NUP93: variants seen among roughly 807,000 people sequenced by gnomAD.
NUP93 encodes nuclear pore complex protein Nup93.
A neutral mutation model predicts 107.8 loss-of-function variants in NUP93; 55 were observed. The observed-to-expected ratio is 0.51, with a 90% CI of 0.41 to 0.64. The LOEUF (loss-of-function observed/expected upper bound fraction) is 0.64. Ranked by LOEUF, NUP93 falls within the 30% of genes least tolerant of loss-of-function variation. The probability of loss-of-function intolerance (pLI) is 0.00; values close to 1 mark genes in which losing one functional copy is unlikely to be tolerated. For missense variants in NUP93, 937 were observed against 1,044.7 expected (o/e 0.90, Z 1.42); for synonymous variants, 390 against 397.5 (o/e 0.98, Z 0.22).
chr16:56,749,505 G>A (rs1462485150), intron 2 of NUP93, among the ~76,000 whole-genome samples: 3 of 152,292 alleles, frequency 2.0e-5, no homozygotes, highest in South Asian at 2.1e-4. Context: ...TGATGGGTCC[G>A]GAAAGACACT....
At chr16:56,764,201 G>C (rs1962178396) in intron 3 of NUP93, among the ~76,000 whole-genome samples, 1 of 152,144 alleles carries the variant, frequency 6.6e-6, no homozygotes, top group South Asian at 2.1e-4. Context: ...GTTTAAAAAT[G>C]AATCAATGGC....
intron 16 of NUP93, 78 bp from the exon 17 acceptor site, chr16:56,836,523 A>G (rs1312739186): frequency 2.4e-6 from 2 of 845,408 alleles, no homozygotes; most frequent in African/African-American, 3.4e-5. Flanking sequence ...TTGGATCCTA[A>G]TTGCTTCTCT....
At chr16:56,746,217 G>A (rs1961818502) in intron 1 of NUP93, among the ~76,000 whole-genome samples, 1 of 152,206 alleles carries the variant, frequency 6.6e-6, no homozygotes, top group Admixed American at 6.5e-5. Flanking sequence ...TCCCTTTCTG[G>A]TGAATGACCA....
chr16:56,768,735 C>T (rs986113846), intron 3 of NUP93, among the ~76,000 whole-genome samples: 16 of 151,252 alleles, frequency 1.1e-4, no homozygotes, highest in Admixed American at 6.6e-4. Flanking sequence ...GGTGTGGTGG[C>T]GGGCGCCTGT....
rs143770635 is a variant in NUP93 at position 56,754,675 on chromosome 16, G to A, written c.180-3863G>A. Among the ~76,000 whole-genome samples, 1,481 of 152,280 alleles carry A rather than the reference G, an allele frequency of 9.7e-3. 27 individuals carry two copies. The highest frequency in any genetic ancestry group is 0.034 in the African/African-American group (1,404 of 41,564). On this transcript the variant is annotated intron_variant, in intron 2 of 21. Transcript: ENST00000308159. ...CCTGTGGCTTTTCTAGGCACATGGTGCAAACCATCAGTGGGTCTACCATTC... is the reference window on the plus strand; with the variant it reads ...CCTGTGGCTTTTCTAGGCACATGGTACAAACCATCAGTGGGTCTACCATTC...
intron 1 of NUP93, among the ~76,000 whole-genome samples, chr16:56,740,471 G>A (rs1354617051): frequency 0.039 from 5,770 of 148,528 alleles, 19 homozygotes; most frequent in African/African-American, 0.07. Flanking sequence ...ATGTGATGGC[G>A]GCTGGGAAGA....
chr16:56,743,515 C>T (rs1961771475), intron 1 of NUP93, among the ~76,000 whole-genome samples: 1 of 152,102 alleles, frequency 6.6e-6, no homozygotes, highest in Admixed American at 6.6e-5. Context: ...TGAGAACATT[C>T]CTTATTTTTA....
intron 3 of NUP93, among the ~76,000 whole-genome samples, chr16:56,779,671 A>T (rs1323855265): frequency 2.0e-5 from 3 of 152,178 alleles, no homozygotes; most frequent in Non-Finnish European, 4.4e-5. Flanking sequence ...CCAGCCACTC[A>T]TCTAGTTTCC....
At chr16:56,740,355 G>C (rs1390862233) in intron 1 of NUP93, among the ~76,000 whole-genome samples, 2 of 148,538 alleles carry the variant, frequency 1.3e-5, no homozygotes, top group Non-Finnish European at 3.0e-5. Flanking sequence ...ACGGGGTCTC[G>C]GCCGGGCAGA....
chr16:56,781,178 C>T (rs566424851), intron 3 of NUP93, among the ~76,000 whole-genome samples: 41 of 152,256 alleles, frequency 2.7e-4, no homozygotes, highest in African/African-American at 9.6e-4. Flanking sequence ...AAAGAAGTGA[C>T]AGTTGAGCTG....
chr16:56,825,406 T>C (rs1163403292), intron 8 of NUP93, among the ~76,000 whole-genome samples: 1 of 152,100 alleles, frequency 6.6e-6, no homozygotes, highest in Non-Finnish European at 1.5e-5. Context: ...AGTTTCACCA[T>C]GTTGGCCAGG....
At chr16:56,832,122 G>T in intron 11 of NUP93, 115 bp downstream of exon 11, 1 of 1,351,428 alleles carries the variant, frequency 7.4e-7, no homozygotes, top group Non-Finnish European at 1.0e-6. Flanking sequence ...GGACCAGTGG[G>T]TTCCTCGTCT....
At chr16:56,821,183 A>T (rs992491875) in intron 6 of NUP93, among the ~76,000 whole-genome samples, 1 of 152,208 alleles carries the variant, frequency 6.6e-6, no homozygotes, top group Non-Finnish European at 1.5e-5. Context: ...ATTAGGAAGC[A>T]GCAGCCAGAG....
intron 3 of NUP93, among the ~76,000 whole-genome samples, chr16:56,795,403 G>C (rs531337121): frequency 6.6e-6 from 1 of 152,244 alleles, no homozygotes; most frequent in East Asian, 1.9e-4. Flanking sequence ...CCATTGTTTT[G>C]TGTCTGGGTC....
At chr16:56,796,453 A>G (rs766057383) in intron 3 of NUP93, among the ~76,000 whole-genome samples, 37 of 152,244 alleles carry the variant, frequency 2.4e-4, no homozygotes, top group Non-Finnish European at 4.1e-4. Context: ...TGTTCACACA[A>G]TGATGAAATC....
At chr16:56,791,221 T>C (rs1418605578) in intron 3 of NUP93, among the ~76,000 whole-genome samples, 1 of 152,216 alleles carries the variant, frequency 6.6e-6, no homozygotes, top group African/African-American at 2.4e-5. Context: ...TAGTCTCTTG[T>C]GTTTTGAAGG....
chr16:56,824,922 C>T (rs1450389146), intron 8 of NUP93, among the ~76,000 whole-genome samples: 1 of 152,128 alleles, frequency 6.6e-6, no homozygotes. Flanking sequence ...TTCATCCAAG[C>T]GTTAGCTGAA....
Position 56,768,946 on chromosome 16 carries a change from A to C in NUP93, c.297+10291A>C, listed in dbSNP as rs182686639. 4.6e-5 allele frequency among the ~76,000 whole-genome samples: 7 copies of C among 151,942 alleles called. No homozygotes were observed. In the East Asian group the frequency reaches 1.2e-3, roughly 25 times the overall value. On this transcript the variant is annotated intron_variant, in intron 3 of 21. Transcript: ENST00000308159. The stretch of plus-strand genomic sequence containing the variant: ...AGCCAAGGTTTATTGAGCATTTATT[A>C]TGTTCAGACGTGTGCTAAGCACTTC...
At chr16:56,746,982 C>T (rs540872533) in intron 1 of NUP93, among the ~76,000 whole-genome samples, 1 of 151,920 alleles carries the variant, frequency 6.6e-6, no homozygotes, top group South Asian at 2.1e-4. Flanking sequence ...TTCTTCTTAA[C>T]CTTTTAGCAA....
Sources: gnomAD v4.1 joint callset for allele counts (sites outside exome capture counted in the v4.1 genomes callset) on GRCh38, gnomAD v4.1.1 for gene constraint, MANE v1.5 for transcripts, NCBI Gene and HGNC (gene_info 2026-07-23, HGNC 2026-07-21) for gene names.